The following HPGD variants were observed in gnomAD, a reference collection of about 807,000 sequenced individuals.
HPGD encodes 15-hydroxyprostaglandin dehydrogenase [NAD(+)].
A neutral mutation model predicts 30.0 loss-of-function variants in HPGD; 29 were observed. The ratio of observed to expected loss-of-function variants is 0.97; its 90% CI spans 0.72 to 1.32. The LOEUF is 1.32. Among genes scored for constraint, HPGD ranks in the 40% most tolerant of loss-of-function variants. The pLI, the probability that HPGD is intolerant of heterozygous loss-of-function variation, is 0.00. For synonymous variants in HPGD, 99 were observed against 112.4 expected, an observed-to-expected ratio of 0.88 and a Z score of 0.75; for missense variants, 340 against 322.1, an observed-to-expected ratio of 1.06 and a Z score of -0.43.
At chr4:174,501,567 C>T (rs1734899793) in intron 4 of HPGD, among the ~76,000 whole-genome samples, 1 of 151,748 alleles carries the variant, frequency 6.6e-6, no homozygotes, top group African/African-American at 2.4e-5. Context: ...TAATTAGTAG[C>T]AGATTTATGT....
intron 2 of HPGD, among the ~76,000 whole-genome samples, chr4:174,518,872 C>T (rs1231464194): frequency 6.6e-6 from 1 of 152,072 alleles, no homozygotes; most frequent in African/African-American, 2.4e-5. Context: ...AACTGTTTCC[C>T]CGGGCCTTTG....
Position 174,522,327 on chromosome 4 carries a change from G to A in HPGD, c.93+32C>T, listed in dbSNP as rs1736184932. 3.2e-6 allele frequency: 5 copies of A among 1,538,606 alleles called. No homozygotes were observed. The South Asian group carries it at 4.7e-5, about 15-fold the overall frequency. The stretch of plus-strand genomic sequence containing the variant: ...GGGCGAGTCTCGGAGTGTGTGGGCA[G>A]AGAAATTTCCGCGGCTGGGCGCCGG... On this transcript the variant is annotated intron_variant, in intron 1 of 6. Transcript: ENST00000296522.
At chr4:174,510,265 T>G (rs1735417124) in intron 3 of HPGD, among the ~76,000 whole-genome samples, 1 of 148,640 alleles carries the variant, frequency 6.7e-6, no homozygotes, top group Non-Finnish European at 1.5e-5. Flanking sequence ...AAGCCATGTG[T>G]CAATTTGACA....
chr4:174,520,761 G>A (rs903491287), intron 2 of HPGD, among the ~76,000 whole-genome samples: 10 of 152,086 alleles, frequency 6.6e-5, no homozygotes, highest in Non-Finnish European at 1.5e-4. Flanking sequence ...ATCTGACCTG[G>A]CTCTATCCTT....
intron 4 of HPGD, among the ~76,000 whole-genome samples, chr4:174,503,489 A>G (rs1392115742): frequency 1.3e-5 from 2 of 152,230 alleles, no homozygotes; most frequent in African/African-American, 2.4e-5. Flanking sequence ...CCAATAGTTT[A>G]CCACAATGCC....
chr4:174,504,014 A>C (rs992138330), intron 4 of HPGD, among the ~76,000 whole-genome samples: 1 of 152,140 alleles, frequency 6.6e-6, no homozygotes, highest in East Asian at 1.9e-4. Context: ...GTGAGCCATG[A>C]CACCTGGCCA....
intron 3 of HPGD, 137 bp from the exon 4 acceptor site, chr4:174,508,929 G>C: frequency 1.5e-6 from 1 of 673,854 alleles, no homozygotes; most frequent in Non-Finnish European, 2.7e-6. Context: ...TTTTAAAAGA[G>C]CTTTGTTTTT....
chr4:174,493,300 A>G lies in HPGD; in HGVS notation c.513T>C (p.Leu171=), dbSNP rs1429211752. 6.2e-7 allele frequency: 1 copy of G among 1,613,166 alleles called. No individual in the cohort carries two copies. The highest frequency in any genetic ancestry group is 2.2e-5 in the East Asian group (1 of 44,786). The change falls in exon 6 of 7, where the codon CTT becomes CTC. Residue 171 remains leucine, a synonymous_variant. Transcript: ENST00000296522. Reference sequence around the variant, plus strand: ...CATTCAGTCTCACACCACTGTTCATAAGATTAGCAGCCAACTGCCAATTAG... The same window carrying G: ...CATTCAGTCTCACACCACTGTTCATGAGATTAGCAGCCAACTGCCAATTAG... The part of the protein sequence containing the change: ...FTRSAALAAN[L]MNSGVRLNAI...
At chr4:174,508,559 A>G (rs1735298614) in intron 4 of HPGD, 137 bp downstream of exon 4, 1 of 661,018 alleles carries the variant, frequency 1.5e-6, no homozygotes, top group East Asian at 2.7e-5. Context: ...TTGCAATAGA[A>G]AATTCCATGG....
chr4:174,508,153 G>A (rs1392846272), intron 4 of HPGD: 1 of 702,372 alleles, frequency 1.4e-6, no homozygotes, highest in Non-Finnish European at 2.6e-6. Context: ...TGCCAGCCAG[G>A]TTTTCAAATG....
chr4:174,498,715 G>GT (rs5864276), intron 4 of HPGD, among the ~76,000 whole-genome samples: 7 of 151,460 alleles, frequency 4.6e-5, no homozygotes, highest in East Asian at 1.9e-4. Flanking sequence ...GTTAATTGAA[G>GT]TTTTTTTTTC....
intron 3 of HPGD, among the ~76,000 whole-genome samples, chr4:174,512,699 C>T (rs1735569621): frequency 6.6e-6 from 1 of 152,178 alleles, no homozygotes; most frequent in African/African-American, 2.4e-5. Flanking sequence ...TTAAGTAATA[C>T]ATTGGTAACA....
chr4:174,503,818 G>T (rs1007204058), intron 4 of HPGD, among the ~76,000 whole-genome samples: 2 of 151,910 alleles, frequency 1.3e-5, no homozygotes, highest in African/African-American at 4.8e-5. Context: ...GAACTCCTAG[G>T]CTGAAGAAAT....
chr4:174,499,960 G>GACACACAC lies in HPGD; in HGVS notation c.422-4344_422-4337dup, dbSNP rs10659517. ...AATTTGTCTCTCTCAATCTTTGTAT[G>GACACACAC]ACACACACACACACACACACTCAAA... On this transcript the variant is annotated intron_variant, in intron 4 of 6. Coordinates refer to ENST00000296522, the MANE Select transcript of HPGD (RefSeq NM_000860.6). Among the ~76,000 whole-genome samples the GACACACAC allele has an allele frequency of 4.0e-5, 6 of 150,232 alleles. No individual in the cohort carries two copies. In the East Asian group the frequency reaches 5.9e-4, roughly 15 times the overall value.
chr4:174,518,018 CA>C lies in HPGD; in HGVS notation c.276del (p.Gly93GlufsTer2). 2 of 1,608,484 alleles carry C rather than the reference CA, an allele frequency of 1.2e-6. No individual in the cohort carries two copies. Among genetic ancestry groups the C allele is most frequent in the South Asian group, 2.2e-5 (2 of 90,888 alleles). ...FGRLDILVNNAGVNNEKNWEK... is the reference protein window; with the variant it reads ...FGRLDILVNNXGVNNEKNWEK... Reference sequence around the variant, plus strand: ...TCCCAGTTTTTCTCATTATTCACTCCAGCATTATTGACCAAAATGTCCAGTC... The same window carrying C: ...TCCCAGTTTTTCTCATTATTCACTCCGCATTATTGACCAAAATGTCCAGTC... On this transcript the variant is annotated frameshift_variant, in exon 3 of 7. Transcript: ENST00000296522. LOFTEE classifies it high-confidence loss of function.
In HPGD at chr4:174,508,724, G is replaced by A. The variant is rs141902184; in HGVS notation, c.393C>T (p.Gly131=). The A allele has an allele frequency of 4.4e-6, 7 of 1,607,844 alleles. No individual in the cohort carries two copies. The highest frequency in any genetic ancestry group is 4.0e-5 in the African/African-American group (3 of 74,780). Residue 131 remains glycine, a synonymous_variant, in exon 4 of 7, where the codon GGC becomes GGT. Transcript: ENST00000296522. ...YMSKQNGGEG[G]IIINMSSLAG... ...CTAAAGATGACATATTGATAATGAT[G>A]CCGCCTTCACCTCCATTTTGCTTAC...
At chr4:174,517,423 C>T (rs1176817823) in intron 3 of HPGD, among the ~76,000 whole-genome samples, 7 of 152,124 alleles carry the variant, frequency 4.6e-5, no homozygotes, top group Admixed American at 1.3e-4. Flanking sequence ...CAGCGGTTGA[C>T]GAGCTTTTTC....
intron 4 of HPGD, among the ~76,000 whole-genome samples, chr4:174,504,043 T>C (rs559679621): frequency 2.0e-5 from 3 of 152,216 alleles, no homozygotes; most frequent in South Asian, 4.2e-4. Context: ...GTTTAAACAG[T>C]TTATGTCATG....
Position 174,491,807 on chromosome 4 carries a change from A to G in HPGD, c.*149T>C. ...TCATAACTTTTTATCCATATACTTA[A>G]CTAAAAATTTAGAAAACGTTTATCA... On this transcript the variant is annotated 3_prime_UTR_variant, in exon 7 of 7. Transcript: ENST00000296522. The G allele has an allele frequency of 7.1e-6, 5 of 705,968 alleles. No individual in the cohort carries two copies. The South Asian group carries it at 8.3e-5, about 12-fold the overall frequency. 43.7% of individuals were successfully genotyped at this position (705,968 alleles called of 1,614,324 possible).
Sources: allele counts gnomAD v4.1 joint callset (sites outside exome capture counted in the v4.1 genomes callset), GRCh38; gene constraint gnomAD v4.1.1; transcripts MANE v1.5; gene names NCBI Gene and HGNC (gene_info 2026-07-23, HGNC 2026-07-21).